PTPRB: variants seen among roughly 807,000 people sequenced by gnomAD.
The protein encoded by PTPRB is receptor-type tyrosine-protein phosphatase beta.
In PTPRB, 97 loss-of-function variants were observed where a neutral mutation model predicts 238.1. The observed-to-expected ratio is 0.41, with a 90% CI of 0.35 to 0.48. The LOEUF is 0.48. Among genes scored for constraint, PTPRB ranks in the 20% least tolerant of loss-of-function variants. The pLI, the probability that PTPRB is intolerant of heterozygous loss-of-function variation, is 0.30. For synonymous variants in PTPRB, 970 were observed against 995.4 expected, an observed-to-expected ratio of 0.97 and a Z score of 0.48; for missense variants, 2,292 against 2,681.9, an observed-to-expected ratio of 0.85 and a Z score of 3.21.
rs926205652 is a variant in PTPRB at position 70,599,413 on chromosome 12, T to G, written c.980-3086A>C. On this transcript the variant is annotated intron_variant, in intron 4 of 33. Coordinates refer to ENST00000334414, the MANE Select transcript of PTPRB (RefSeq NM_001109754.4). ...GATGTGTGCATTTATAGCCTCTGGT[T>G]TTTCCAATCATCACACTCATACGCA... Among the ~76,000 whole-genome samples the G allele has an allele frequency of 6.7e-4, 102 of 152,228 alleles. 1 individual carries two copies. The highest frequency in any genetic ancestry group is 2.4e-3 in the African/African-American group (99 of 41,536).
rs770788684 is a variant in PTPRB at position 70,538,930 on chromosome 12, A to G, written c.5863T>C (p.Leu1955=). ...NRGKNRYNNI[L]PYDATRVKLS... ...ATTTTGACACAAAACTTACAGGGCA[A>G]TATATTGTTGTATCGATTTTTCCCT... The change falls in exon 27 of 34, where the codon TTG becomes CTG. Residue 1955 remains leucine, a synonymous_variant. Transcript: ENST00000334414. The G allele has an allele frequency of 2.5e-6, 4 of 1,611,874 alleles. No individual in the cohort carries two copies. The highest frequency in any genetic ancestry group is 8.5e-7 in the Non-Finnish European group (1 of 1,178,666).
intron 3 of PTPRB, 128 bp downstream of exon 3, chr12:70,622,262 C>T: frequency 1.5e-6 from 2 of 1,341,156 alleles, no homozygotes; most frequent in Admixed American, 2.3e-5. Flanking sequence ...AATTAGCAGC[C>T]AGGACACAGG....
rs1398001892 is a variant in PTPRB, at chr12:70,517,866, A to G, written c.*3623T>C. 1.3e-5 allele frequency: 2 copies of G among 152,180 alleles called. No individual in the cohort carries two copies. Among genetic ancestry groups the G allele is most frequent in the Non-Finnish European group, 2.9e-5 (2 of 68,028 alleles). 9.4% of individuals were successfully genotyped at this position (152,180 alleles called of 1,614,324 possible). A position where few individuals can be genotyped will look rare whatever the true frequency, so the allele number is the denominator to read the frequency against. On this transcript the variant is annotated 3_prime_UTR_variant, in exon 34 of 34. Coordinates refer to ENST00000334414, the MANE Select transcript of PTPRB (RefSeq NM_001109754.4). Reference sequence around the variant, plus strand: ...TTCTTAGAAAGCTAAGTGAATGAGAATTTAGTATATGGCCAATAATATTAT... The same window carrying G: ...TTCTTAGAAAGCTAAGTGAATGAGAGTTTAGTATATGGCCAATAATATTAT...
At chr12:70,619,292 G>A (rs1167325494) in intron 3 of PTPRB, among the ~76,000 whole-genome samples, 1 of 149,874 alleles carries the variant, frequency 6.7e-6, no homozygotes, top group Non-Finnish European at 1.5e-5. Flanking sequence ...AGTGGGTGGT[G>A]GTGGTGATGA....
chr12:70,606,974 GTGTGTCTCTTTAAGAA>G (rs1883999868), intron 4 of PTPRB, among the ~76,000 whole-genome samples: 2 of 152,194 alleles, frequency 1.3e-5, no homozygotes, highest in Non-Finnish European at 2.9e-5. Flanking sequence ...GACAAGTAAA[GTGTGTCTCTTTAAGAA>G]AAATGGTGAG....
At chr12:70,629,745 T>C (rs1045949325) in intron 2 of PTPRB, among the ~76,000 whole-genome samples, 2 of 150,850 alleles carry the variant, frequency 1.3e-5, no homozygotes, top group Non-Finnish European at 3.0e-5. Flanking sequence ...ATAGATGCAA[T>C]AAAAAATGAT....
At chr12:70,558,595 G>C (rs375267856) in intron 18 of PTPRB, among the ~76,000 whole-genome samples, 1 of 152,096 alleles carries the variant, frequency 6.6e-6, no homozygotes. Flanking sequence ...TATATGCTTC[G>C]TCGTCGAAGT....
chr12:70,584,347 A>C (rs1881671265), intron 9 of PTPRB, among the ~76,000 whole-genome samples: 1 of 152,198 alleles, frequency 6.6e-6, no homozygotes, highest in Admixed American at 6.5e-5. Flanking sequence ...AGGCAATATT[A>C]GAGAGTTAAT....
chr12:70,628,399 G>A (rs1765333166), intron 2 of PTPRB, among the ~76,000 whole-genome samples: 1 of 152,180 alleles, frequency 6.6e-6, no homozygotes, highest in African/African-American at 2.4e-5. Flanking sequence ...CCTTCGAAAA[G>A]TTATCCAAAC....
At position 70,517,315 on chromosome 12, in the gene PTPRB, A is replaced by G. The variant is rs1043814184; in HGVS notation, c.*4174T>C. ...AGGATTGTCCAAGCACACCCAGGCC[A>G]CACAGAAGAGATGCCATTTTATCTT... On this transcript the variant is annotated 3_prime_UTR_variant, in exon 34 of 34. Coordinates refer to ENST00000334414, the MANE Select transcript of PTPRB (RefSeq NM_001109754.4). 6.6e-5 allele frequency: 10 copies of G among 152,228 alleles called. No individual in the cohort carries two copies. Among genetic ancestry groups the G allele is most frequent in the African/African-American group, 2.2e-4 (9 of 41,460 alleles). The allele number at this position is 152,228 out of a possible 1,614,324, so 9.4% of individuals were successfully genotyped here.
chr12:70,613,456 G>A (rs1217661219), intron 3 of PTPRB, among the ~76,000 whole-genome samples: 1 of 151,994 alleles, frequency 6.6e-6, no homozygotes, highest in African/African-American at 2.4e-5. Context: ...TCTTGTGCCT[G>A]TCATTTCCTC....
Position 70,524,965 on chromosome 12 carries a change from GTATATA to G in PTPRB, c.6505-380_6505-375del, listed in dbSNP as rs200080483. ...TATATATATGTGTATATATGTATGT[GTATATA>G]TGTGTGTGTGTGTGTGTGTATATAT... On this transcript the variant is annotated intron_variant, in intron 32 of 33. Transcript: ENST00000334414. 2.9e-5 allele frequency among the ~76,000 whole-genome samples: 4 copies of G among 136,188 alleles called. No homozygotes were observed. The East Asian group carries it at 6.2e-4, about 21-fold the overall frequency. 89.3% of individuals were successfully genotyped at this position (136,188 alleles called of 152,430 possible).
chr12:70,532,471 T>A (rs1043573332), intron 31 of PTPRB, among the ~76,000 whole-genome samples: 2 of 152,192 alleles, frequency 1.3e-5, no homozygotes, highest in African/African-American at 4.8e-5. Context: ...CAGGTAAATC[T>A]ATAAACATTT....
Position 70,529,494 on chromosome 12 carries a change from G to T in PTPRB, c.6504+2541C>A, listed in dbSNP as rs558723673. ...GACAATAAACTAACAAAATATTAAT[G>T]CTGACTTTTTAGCAACATAATTGTA... On this transcript the variant is annotated intron_variant, in intron 32 of 33. Coordinates refer to ENST00000334414, the MANE Select transcript of PTPRB (RefSeq NM_001109754.4). Among the ~76,000 whole-genome samples, 4 of 152,202 alleles carry T rather than the reference G, an allele frequency of 2.6e-5. No homozygotes were observed. The East Asian group carries it at 7.7e-4, about 29-fold the overall frequency.
intron 32 of PTPRB, chr12:70,525,552 T>C (rs1188952612): frequency 6.6e-6 from 1 of 151,812 alleles, no homozygotes; most frequent in Non-Finnish European, 1.5e-5. Flanking sequence ...ATCTGTTGGC[T>C]ATTTAAGAAT....
intron 19 of PTPRB, 112 bp downstream of exon 19, chr12:70,555,758 C>T: frequency 2.2e-6 from 3 of 1,354,542 alleles, no homozygotes; most frequent in Non-Finnish European, 2.0e-6. Flanking sequence ...CAGGCTTATG[C>T]AAAAGTGAAG....
rs71437149 is a variant in PTPRB at position 70,593,513 on chromosome 12, C to CAA, written c.1516+952_1516+953dup. The stretch of plus-strand genomic sequence containing the variant: ...AGCCAACAAGAGCAAAACTCTGTCT[C>CAA]AAAAAAAAAAAAAAAAAAAAAAAAA... On this transcript the variant is annotated intron_variant, in intron 6 of 33. Transcript: ENST00000334414. Among the ~76,000 whole-genome samples, 79 of 36,680 alleles carry CAA rather than the reference C, an allele frequency of 2.2e-3. 1 individual carries two copies. The highest frequency in any genetic ancestry group is 3.6e-3 in the East Asian group (3 of 826). The allele number at this position is 36,680 out of a possible 152,430, so 24.1% of individuals were successfully genotyped here. A position where few individuals can be genotyped will look rare whatever the true frequency, so the allele number is the denominator to read the frequency against.
intron 5 of PTPRB, among the ~76,000 whole-genome samples, chr12:70,595,359 T>C (rs920518940): frequency 6.6e-6 from 1 of 152,144 alleles, no homozygotes; most frequent in Non-Finnish European, 1.5e-5. Context: ...GATGATGGGT[T>C]GATGGGTGCA....
intron 31 of PTPRB, 103 bp from the exon 32 acceptor site, chr12:70,532,273 T>C: frequency 7.4e-7 from 1 of 1,349,868 alleles, no homozygotes. Context: ...TTCCCAGTTA[T>C]GGGAGAAGAT....
Sources: gnomAD v4.1 joint callset for allele counts (sites outside exome capture counted in the v4.1 genomes callset) on GRCh38, gnomAD v4.1.1 for gene constraint, MANE v1.5 for transcripts, NCBI Gene and HGNC (gene_info 2026-07-23, HGNC 2026-07-21) for gene names.